The following SLC12A1 variants were observed in gnomAD, a reference collection of about 807,000 sequenced individuals.
SLC12A1 encodes the protein solute carrier family 12 member 1.
SLC12A1 carries 89 observed loss-of-function variants against 130.4 expected under a neutral mutation model. The ratio of observed to expected loss-of-function variants is 0.68; its 90% CI spans 0.58 to 0.81. The LOEUF is 0.81. Ranked by LOEUF, SLC12A1 falls within the 40% of genes least tolerant of loss-of-function variation. SLC12A1 has a pLI of 0.00. For synonymous variants in SLC12A1, 499 were observed against 460.0 expected, an observed-to-expected ratio of 1.08 and a Z score of -1.09; for missense variants, 1,310 against 1,336.4, an observed-to-expected ratio of 0.98 and a Z score of 0.31.
Position 48,209,334 on chromosome 15 carries a change from T to G in SLC12A1, c.420+1195T>G, listed in dbSNP as rs188037576. On this transcript the variant is annotated intron_variant, in intron 2 of 26. Transcript: ENST00000380993. ...TGCCCACCTCAGCCTCCCAAAGTGC[T>G]GGGATTACAGGTGTGAGCCACCATG... Among the ~76,000 whole-genome samples the G allele has an allele frequency of 1.8e-4, 27 of 152,342 alleles. No homozygotes were observed. In the East Asian group the frequency reaches 4.8e-3, roughly 27 times the overall value.
intron 17 of SLC12A1, among the ~76,000 whole-genome samples, chr15:48,259,775 C>T (rs1007074418): frequency 3.9e-4 from 60 of 152,130 alleles, no homozygotes; most frequent in African/African-American, 1.4e-3. Context: ...ATTGCAGATA[C>T]TCTAAAAACT....
At chr15:48,219,543 A>C (rs1347434507) in intron 2 of SLC12A1, among the ~76,000 whole-genome samples, 1 of 151,762 alleles carries the variant, frequency 6.6e-6, no homozygotes, top group Non-Finnish European at 1.5e-5. Context: ...GTGACAGAGC[A>C]AGACTCTGTC....
intron 14 of SLC12A1, 140 bp downstream of exon 14, chr15:48,249,816 T>C (rs2041626785): frequency 4.6e-6 from 3 of 646,264 alleles, no homozygotes; most frequent in Non-Finnish European, 8.0e-6. Flanking sequence ...CCACTTTATT[T>C]TGGTGAGTTT....
In SLC12A1 at chr15:48,302,823, A is replaced by T. The variant is rs895389649; in HGVS notation, c.3238A>T (p.Asn1080Tyr). The T allele has an allele frequency of 1.2e-6, 2 of 1,613,190 alleles. No individual in the cohort carries two copies. Among genetic ancestry groups the T allele is most frequent in the Non-Finnish European group, 1.7e-6 (2 of 1,179,240 alleles). Residue 1080 changes from asparagine to tyrosine, a missense_variant, in exon 27 of 27, where the codon AAC becomes TAC. Transcript: ENST00000380993. ...GGCTTGGTTGGAAATCCTCACAAAGAACCTCCCACCTGTCTTACTAGTTAG... is the reference window on the plus strand; with the variant it reads ...GGCTTGGTTGGAAATCCTCACAAAGTACCTCCCACCTGTCTTACTAGTTAG... ...YMAWLEILTK[N>Y]LPPVLLVRGN... is the part of the protein sequence containing the mutation.
chr15:48,247,635 G>A lies in SLC12A1; in HGVS notation c.1684+175G>A, dbSNP rs147362290. Among the ~76,000 whole-genome samples the A allele has an allele frequency of 7.2e-5, 11 of 152,254 alleles. 1 individual carries two copies. Among genetic ancestry groups the A allele is most frequent in the Middle Eastern group, 3.4e-3 (1 of 294 alleles). On this transcript the variant is annotated intron_variant, in intron 13 of 26. Transcript: ENST00000380993. ...TGTGTAGAGGGCCTTTGAGGAACTC[G>A]AGGTAGACTTTGAATTTTAATCTAT...
intron 9 of SLC12A1, among the ~76,000 whole-genome samples, chr15:48,239,403 A>T (rs770692998): frequency 1.1e-4 from 17 of 151,922 alleles, no homozygotes; most frequent in Non-Finnish European, 2.2e-4. Context: ...CATCCCACCT[A>T]CTTGGAAGGC....
At position 48,259,291 on chromosome 15, in the gene SLC12A1, A is replaced by G; in HGVS notation, c.2134A>G (p.Ile712Val). The G allele has an allele frequency of 3.1e-6, 5 of 1,612,890 alleles. No homozygotes were observed. The highest frequency in any genetic ancestry group is 4.2e-6 in the Non-Finnish European group (5 of 1,178,882). Residue 712 changes from isoleucine to valine, a missense_variant, in exon 17 of 27, where the codon ATC (isoleucine) becomes GTC (valine). By Grantham distance (29) the Ile-to-Val change is conservative. Transcript: ENST00000380993. ...HAFTKNSGLC[I>V]CCEVFVGPRK... ...CTTTACCAAGAACAGTGGCCTTTGC[A>G]TCTGCTGTGAAGTCTTTGTGGTAAG...
At chr15:48,265,251 A>G (rs1228713254) in intron 17 of SLC12A1, among the ~76,000 whole-genome samples, 2 of 152,216 alleles carry the variant, frequency 1.3e-5, no homozygotes, top group Non-Finnish European at 2.9e-5. Context: ...AAGTTTAGGC[A>G]TTAAAGTAAA....
chr15:48,211,944 G>C (rs974889008), intron 2 of SLC12A1, among the ~76,000 whole-genome samples: 2 of 152,056 alleles, frequency 1.3e-5, no homozygotes, highest in Admixed American at 6.5e-5. Flanking sequence ...TACCTATACT[G>C]GTGACCGTTA....
chr15:48,262,950 A>G (rs1241092707), intron 17 of SLC12A1, among the ~76,000 whole-genome samples: 3 of 152,196 alleles, frequency 2.0e-5, no homozygotes, highest in Admixed American at 6.5e-5. Flanking sequence ...GCCTTTGTCA[A>G]TGAGTTTCCT....
intron 20 of SLC12A1, among the ~76,000 whole-genome samples, chr15:48,275,233 C>T (rs1319108212): frequency 1.3e-5 from 2 of 152,156 alleles, no homozygotes; most frequent in Non-Finnish European, 2.9e-5. Flanking sequence ...TATTGATATA[C>T]TTACTGAAAA....
intron 21 of SLC12A1, 28 bp from the exon 22 acceptor site, chr15:48,288,015 A>C: frequency 6.3e-7 from 1 of 1,599,864 alleles, no homozygotes; most frequent in Non-Finnish European, 8.5e-7. Context: ...AAAAGCAAAC[A>C]GATGCATCAA....
At position 48,248,361 on chromosome 15, in the gene SLC12A1, G is replaced by A. The variant is rs531013183; in HGVS notation, c.1684+901G>A. 3.9e-5 allele frequency among the ~76,000 whole-genome samples: 6 copies of A among 152,326 alleles called. No individual in the cohort carries two copies. The South Asian group carries it at 1.0e-3, about 26-fold the overall frequency. On this transcript the variant is annotated intron_variant, in intron 13 of 26. Coordinates refer to ENST00000380993, the MANE Select transcript of SLC12A1 (RefSeq NM_000338.3). ...ATTAAAACTGATTTCATATAGAGAT[G>A]TTTCAATTATGTAATTTAGCCTCTA... is the stretch of plus-strand genomic sequence containing the variant.
intron 23 of SLC12A1, 89 bp from the exon 24 acceptor site, chr15:48,291,689 G>T: frequency 1.3e-6 from 1 of 793,030 alleles, no homozygotes. Flanking sequence ...AGACGTGATT[G>T]CTTTTGATAT....
intron 9 of SLC12A1, chr15:48,235,320 G>A (rs1389949322): frequency 9.1e-5 from 27 of 295,638 alleles, no homozygotes; most frequent in South Asian, 1.4e-4. Flanking sequence ...AAACCCAAAT[G>A]AATAGGAATA....
At chr15:48,261,394 C>G (rs140814585) in intron 17 of SLC12A1, among the ~76,000 whole-genome samples, 26 of 152,276 alleles carry the variant, frequency 1.7e-4, no homozygotes, top group African/African-American at 6.3e-4. Flanking sequence ...TCTGTGCCAC[C>G]AATGGCCCTG....
chr15:48,220,138 G>GATAGATAGAT (rs2041187922), intron 2 of SLC12A1, among the ~76,000 whole-genome samples: 1 of 127,950 alleles, frequency 7.8e-6, no homozygotes, highest in Non-Finnish European at 1.5e-5. Flanking sequence ...AAGGTAGATA[G>GATAGATAGAT]ATAGATAGAT....
chr15:48,267,601 T>A lies in SLC12A1; in HGVS notation c.2195T>A (p.Met732Lys), dbSNP rs560432597. 3 of 1,613,548 alleles carry A rather than the reference T, an allele frequency of 1.9e-6. No homozygotes were observed. The South Asian group carries it at 3.3e-5, about 18-fold the overall frequency. The change falls in exon 18 of 27, where the codon ATG (methionine) becomes AAG (lysine). Residue 732 changes from methionine (M) to lysine (K), a missense_variant. Coordinates refer to ENST00000380993, the MANE Select transcript of SLC12A1 (RefSeq NM_000338.3). ...TGTGTTAAGGAGATGAACAGTGGCA[T>A]GGCGAAAAAACAGGCCTGGCTTATA... ...KLCVKEMNSG[M>K]AKKQAWLIKN...
At position 48,291,827 on chromosome 15, in the gene SLC12A1, A is replaced by G; in HGVS notation, c.2923A>G (p.Ile975Val). Residue 975 changes from isoleucine (I) to valine (V), a missense_variant, in exon 24 of 27, where the codon ATC becomes GTC. Transcript: ENST00000380993. Reference protein sequence around the residue: ...KFRIKFADIHIIGDINIRPNK... With the variant: ...KFRIKFADIHVIGDINIRPNK... ...TAGGATAAAATTTGCAGACATCCAT[A>G]TCATCGGTGACATCAACATTAGGCC... 1 of 1,572,578 alleles carries G rather than the reference A, an allele frequency of 6.4e-7. No individual in the cohort carries two copies. The highest frequency in any genetic ancestry group is 1.2e-5 in the South Asian group (1 of 85,252).
Sources: gnomAD v4.1 joint callset for allele counts (sites outside exome capture counted in the v4.1 genomes callset) on GRCh38, gnomAD v4.1.1 for gene constraint, MANE v1.5 for transcripts, NCBI Gene and HGNC (gene_info 2026-07-23, HGNC 2026-07-21) for gene names.